The following SLC17A1 variants were observed in gnomAD, a reference collection of about 807,000 sequenced individuals.
The protein encoded by SLC17A1 is sodium-dependent phosphate transport protein 1.
In SLC17A1, 51 loss-of-function variants were observed where a neutral mutation model predicts 53.5. The observed-to-expected ratio is 0.95, with a 90% CI of 0.76 to 1.20. SLC17A1 has a LOEUF of 1.20. Among genes scored for constraint, SLC17A1 ranks in the 50% most tolerant of loss-of-function variants. The pLI is 0.00. For synonymous variants in SLC17A1, 179 were observed against 198.8 expected (o/e 0.90, Z 0.84); for missense variants, 538 against 568.2 (o/e 0.95, Z 0.54).
chr6:25,827,269 T>G (rs903265584), intron 2 of SLC17A1, among the ~76,000 whole-genome samples: 2 of 152,122 alleles, frequency 1.3e-5, no homozygotes, highest in Non-Finnish European at 2.9e-5. Context: ...AATACAGGTA[T>G]ATGTCTACAA....
At chr6:25,757,246 C>G in the SLC17A1 span, among the ~76,000 whole-genome samples, 1 of 152,124 alleles carries the variant, frequency 6.6e-6, no homozygotes, top group Non-Finnish European at 1.5e-5. Flanking sequence ...AACACAATAG[C>G]ACCAAAGGAT....
At chr6:25,732,611 C>T in the SLC17A1 span, 5 of 1,073,544 alleles carry the variant, frequency 4.7e-6, no homozygotes, top group South Asian at 2.5e-5. Context: ...AGTACCTGGC[C>T]TCCGACACCC....
the SLC17A1 span, among the ~76,000 whole-genome samples, chr6:25,759,537 C>A: frequency 2.0e-5 from 3 of 152,120 alleles, no homozygotes; most frequent in African/African-American, 7.2e-5. Flanking sequence ...CCTTTTGTTG[C>A]TATATAATGT....
At chr6:25,826,420 G>T (rs920844589) in intron 3 of SLC17A1, 41 bp downstream of exon 3, 2 of 1,493,338 alleles carry the variant, frequency 1.3e-6, no homozygotes, top group African/African-American at 1.4e-5. Context: ...TAGCAAGACA[G>T]GCTTTTAAAC....
At chr6:25,769,772 C>T in the SLC17A1 span, among the ~76,000 whole-genome samples, 2 of 151,820 alleles carry the variant, frequency 1.3e-5, no homozygotes, top group African/African-American at 4.8e-5. Context: ...GCTTTTTCTT[C>T]CTTCCACGTA....
chr6:25,801,645 A>G (rs2151482053), intron 10 of SLC17A1, among the ~76,000 whole-genome samples: 1 of 152,312 alleles, frequency 6.6e-6, no homozygotes, highest in Non-Finnish European at 1.5e-5. Context: ...AGATTTCATC[A>G]TTAAAGTTCA....
intron 12 of SLC17A1, among the ~76,000 whole-genome samples, chr6:25,788,657 CAAGAGA>C (rs1763435315): frequency 1.5e-5 from 1 of 65,690 alleles, no homozygotes; most frequent in African/African-American, 4.8e-5. Context: ...TGTCCGTGTC[CAAGAGA>C]TGAGGAAGGT....
intron 1 of SLC17A1, among the ~76,000 whole-genome samples, chr6:25,831,443 T>G (rs367836606): frequency 8.4e-4 from 128 of 152,302 alleles, no homozygotes; most frequent in African/African-American, 2.8e-3. Context: ...GGCTGCTGTT[T>G]ATTTCAATAC....
chr6:25,820,012 G>A (rs1327527475), intron 3 of SLC17A1, 97 bp from the exon 4 acceptor site: 1 of 743,858 alleles, frequency 1.3e-6, no homozygotes, highest in Admixed American at 2.6e-5. Context: ...TCACCTCATG[G>A]AAAGTAGCTC....
At chr6:25,733,392 T>C in the SLC17A1 span, among the ~76,000 whole-genome samples, 6 of 152,150 alleles carry the variant, frequency 3.9e-5, no homozygotes, top group Admixed American at 3.9e-4. Flanking sequence ...CATGACTGTA[T>C]GGACATCAGT....
the SLC17A1 span, chr6:25,726,959 G>GT: frequency 6.2e-7 from 1 of 1,614,086 alleles, no homozygotes; most frequent in Non-Finnish European, 8.5e-7. Flanking sequence ...AGGGCTTTAA[G>GT]AAAGCTGTCG....
chr6:25,830,635 G>A (rs1764914020), intron 1 of SLC17A1, 28 bp from the exon 2 acceptor site: 8 of 1,530,912 alleles, frequency 5.2e-6, no homozygotes, highest in South Asian at 1.1e-5. Context: ...GTTGATGTCA[G>A]CATAATGTAG....
chr6:25,810,201 G>T (rs1764106267), intron 10 of SLC17A1, among the ~76,000 whole-genome samples: 1 of 152,054 alleles, frequency 6.6e-6, no homozygotes, highest in Non-Finnish European at 1.5e-5. Context: ...TTTGACCTGG[G>T]CAATGATTTT....
the SLC17A1 span, among the ~76,000 whole-genome samples, chr6:25,761,699 C>G: frequency 2.6e-5 from 4 of 152,046 alleles, no homozygotes; most frequent in Non-Finnish European, 5.9e-5. Context: ...CAATCCAGGC[C>G]AGATTTCTCA....
At chr6:25,801,458 A>C (rs1581461114) in intron 10 of SLC17A1, among the ~76,000 whole-genome samples, 1 of 152,218 alleles carries the variant, frequency 6.6e-6, no homozygotes, top group African/African-American at 2.4e-5. Context: ...CTGGAAGCTC[A>C]AACCAATTCC....
At chr6:25,800,830 G>C in intron 11 of SLC17A1, 60 bp downstream of exon 11, 1 of 1,066,748 alleles carries the variant, frequency 9.4e-7, no homozygotes, top group Non-Finnish European at 1.4e-6. Context: ...TTTCATATGT[G>C]TAATCTTTCT....
chr6:25,791,215 C>T (rs2151475899), intron 12 of SLC17A1, among the ~76,000 whole-genome samples: 1 of 152,190 alleles, frequency 6.6e-6, no homozygotes, highest in African/African-American at 2.4e-5. Flanking sequence ...GGATTTATTG[C>T]AATTCAGTGC....
the SLC17A1 span, among the ~76,000 whole-genome samples, chr6:25,762,369 GAC>G: frequency 6.6e-6 from 1 of 152,162 alleles, no homozygotes; most frequent in Non-Finnish European, 1.5e-5. Context: ...CTAAGTCCAA[GAC>G]ATGTCCTATT....
intron 3 of SLC17A1, among the ~76,000 whole-genome samples, chr6:25,820,116 A>G (rs1252760624): frequency 1.3e-5 from 2 of 152,234 alleles, no homozygotes; most frequent in Non-Finnish European, 2.9e-5. Flanking sequence ...GGAGTAATGT[A>G]AAGTCCTCAC....
Sources: allele counts gnomAD v4.1 joint callset (sites outside exome capture counted in the v4.1 genomes callset), GRCh38; gene constraint gnomAD v4.1.1; transcripts MANE v1.5; gene names NCBI Gene and HGNC (gene_info 2026-07-23, HGNC 2026-07-21).